ESYT2: variants seen among roughly 807,000 people sequenced by gnomAD.
ESYT2 encodes the protein extended synaptotagmin-2.
In ESYT2, 54 loss-of-function variants were observed where a neutral mutation model predicts 107.2. The ratio of observed to expected loss-of-function variants is 0.50; its 90% CI spans 0.40 to 0.63. The LOEUF (loss-of-function observed/expected upper bound fraction) is 0.63, where lower values mean the gene tolerates loss of function less well. ESYT2 is among the 30% of genes least tolerant of loss of function. ESYT2 has a pLI of 0.00. For missense variants in ESYT2, 1,020 were observed against 1,094.5 expected (o/e 0.93, Z 0.96); for synonymous variants, 491 against 434.1 (o/e 1.13, Z -1.63).
chr7:158,827,717 T>G (rs1011125731), intron 1 of ESYT2: 1 of 152,256 alleles, frequency 6.6e-6, no homozygotes, highest in Non-Finnish European at 1.5e-5. Flanking sequence ...TTGCCATCTG[T>G]GTCATGCCTT....
At chr7:158,745,896 A>C (rs1450915327) in intron 16 of ESYT2, among the ~76,000 whole-genome samples, 1 of 152,194 alleles carries the variant, frequency 6.6e-6, no homozygotes, top group African/African-American at 2.4e-5. Context: ...AAAAACAGAA[A>C]TGTCTCAAGC....
At chr7:158,812,661 C>T (rs1840022443) in intron 1 of ESYT2, among the ~76,000 whole-genome samples, 1 of 152,168 alleles carries the variant, frequency 6.6e-6, no homozygotes, top group Non-Finnish European at 1.5e-5. Flanking sequence ...CATCGCAGCA[C>T]CATTCAAAAC....
intron 9 of ESYT2, among the ~76,000 whole-genome samples, chr7:158,763,722 G>C (rs1838057508): frequency 6.6e-6 from 1 of 152,042 alleles, no homozygotes; most frequent in South Asian, 2.1e-4. Flanking sequence ...ATCCTGGATT[G>C]CGTCTCAATA....
chr7:158,760,214 T>C, intron 11 of ESYT2, 67 bp from the exon 12 acceptor site: 1 of 1,429,048 alleles, frequency 7.0e-7, no homozygotes, highest in Non-Finnish European at 9.8e-7. Context: ...TTAAACCCAG[T>C]CTCTACAAAT....
chr7:158,796,636 A>G (rs1839466663), intron 3 of ESYT2, among the ~76,000 whole-genome samples: 1 of 152,264 alleles, frequency 6.6e-6, no homozygotes, highest in African/African-American at 2.4e-5. Flanking sequence ...TCAGTGTTAA[A>G]GAGAAGCCAT....
chr7:158,772,178 T>G (rs1001329533), intron 7 of ESYT2, among the ~76,000 whole-genome samples: 7 of 152,184 alleles, frequency 4.6e-5, no homozygotes, highest in Non-Finnish European at 1.0e-4. Flanking sequence ...AAGTCAGGTT[T>G]GTTGCTTGCA....
chr7:158,797,759 CAGG>C (rs1269262294), intron 3 of ESYT2, among the ~76,000 whole-genome samples, 180 bp downstream of exon 3: 2 of 151,036 alleles, frequency 1.3e-5, no homozygotes, highest in Non-Finnish European at 1.5e-5. Context: ...GAGGCTGAGG[CAGG>C]AGAATAGTGT....
chr7:158,802,015 G>A (rs1839660886), intron 1 of ESYT2, among the ~76,000 whole-genome samples: 2 of 152,258 alleles, frequency 1.3e-5, no homozygotes, highest in East Asian at 1.9e-4. Context: ...GTAGAATAAA[G>A]AGATCCAGAC....
At chr7:158,779,764 G>T (rs528713888) in intron 6 of ESYT2, among the ~76,000 whole-genome samples, 127 of 152,296 alleles carry the variant, frequency 8.3e-4, no homozygotes, top group South Asian at 3.5e-3. Context: ...GTCTCTCTAC[G>T]TGGAATGACT....
intron 4 of ESYT2, among the ~76,000 whole-genome samples, chr7:158,792,105 G>A (rs1042274153): frequency 1.4e-5 from 2 of 146,668 alleles, no homozygotes; most frequent in African/African-American, 5.0e-5. Context: ...TGATTTTAGT[G>A]TGTTCACTTT....
At position 158,809,778 on chromosome 7, in the gene ESYT2, C is replaced by A. The variant is rs1177574216; in HGVS notation, c.331-10706G>T. 2.6e-5 allele frequency among the ~76,000 whole-genome samples: 4 copies of A among 152,186 alleles called. No individual in the cohort carries two copies. In the East Asian group the frequency reaches 7.7e-4, roughly 29 times the overall value. Reference sequence around the variant, plus strand: ...TGTAGCATACTCTTAGGCCAATCACCAGGTTTTGGCCAATCACAGGCAGCC... The same window carrying A: ...TGTAGCATACTCTTAGGCCAATCACAAGGTTTTGGCCAATCACAGGCAGCC... On this transcript the variant is annotated intron_variant, in intron 1 of 22. Coordinates refer to ENST00000275418, the MANE Select transcript of ESYT2 (RefSeq NM_001367773.1).
At chr7:158,757,653 A>AAAGGATCCTAGAGCCCGC (rs1326430620) in intron 13 of ESYT2, among the ~76,000 whole-genome samples, 3 of 152,144 alleles carry the variant, frequency 2.0e-5, no homozygotes, top group South Asian at 2.1e-4. Context: ...ATCCCGCGCC[A>AAAGGATCCTAGAGCCCGC]GGCACCCCGC....
At chr7:158,816,365 G>A (rs571660649) in intron 1 of ESYT2, among the ~76,000 whole-genome samples, 2 of 152,156 alleles carry the variant, frequency 1.3e-5, no homozygotes, top group Non-Finnish European at 1.5e-5. Context: ...CTTGTCTAAC[G>A]AAAAGAAAGA....
intron 1 of ESYT2, among the ~76,000 whole-genome samples, chr7:158,805,092 A>G (rs1177270777): frequency 6.6e-6 from 1 of 152,224 alleles, no homozygotes; most frequent in South Asian, 2.1e-4. Context: ...AGCTCTCCAC[A>G]TCAGTGGGGA....
chr7:158,790,096 G>C (rs774442413), intron 4 of ESYT2, among the ~76,000 whole-genome samples: 1 of 152,190 alleles, frequency 6.6e-6, no homozygotes, highest in East Asian at 1.9e-4. Context: ...CCTGACCCGA[G>C]ACATACGTGG....
intron 18 of ESYT2, 52 bp downstream of exon 18, chr7:158,741,471 G>GC (rs1837200751): frequency 8.2e-7 from 1 of 1,221,316 alleles, no homozygotes; most frequent in Non-Finnish European, 1.1e-6. Context: ...CCAGCGTGGG[G>GC]TGGGGGGCGC....
chr7:158,736,105 G>A (rs1432681475), intron 20 of ESYT2, among the ~76,000 whole-genome samples: 1 of 152,220 alleles, frequency 6.6e-6, no homozygotes, highest in African/African-American at 2.4e-5. Context: ...CTGCACTAAA[G>A]TGCCTGCAGG....
chr7:158,819,331 T>TA (rs2129474231), intron 1 of ESYT2, among the ~76,000 whole-genome samples: 1 of 152,084 alleles, frequency 6.6e-6, no homozygotes, highest in South Asian at 2.1e-4. Flanking sequence ...CTCAAGTAAA[T>TA]ACGTTTTCAT....
intron 3 of ESYT2, among the ~76,000 whole-genome samples, chr7:158,796,731 G>A (rs954616574): frequency 1.4e-4 from 22 of 151,922 alleles, no homozygotes; most frequent in African/African-American, 4.8e-4. Flanking sequence ...GGGGCAGTGC[G>A]GGCGAGAGGG....
Sources: gnomAD v4.1 joint callset for allele counts (sites outside exome capture counted in the v4.1 genomes callset) on GRCh38, gnomAD v4.1.1 for gene constraint, MANE v1.5 for transcripts, NCBI Gene and HGNC (gene_info 2026-07-23, HGNC 2026-07-21) for gene names.